The following SOHLH2 variants were observed in gnomAD, a reference collection of about 807,000 sequenced individuals.
SOHLH2 encodes spermatogenesis- and oogenesis-specific basic helix-loop-helix-containing protein 2.
SOHLH2 carries 22 observed loss-of-function variants against 50.4 expected under a neutral mutation model. The ratio of observed to expected loss-of-function variants is 0.44; its 90% confidence interval spans 0.31 to 0.62. The LOEUF (loss-of-function observed/expected upper bound fraction) is 0.62. SOHLH2 is among the 20% of genes least tolerant of loss of function. The pLI is 0.08. For synonymous variants in SOHLH2, 185 were observed against 187.3 expected (o/e 0.99, Z 0.10); for missense variants, 412 against 504.4 (o/e 0.82, Z 1.76).
intron 6 of SOHLH2, among the ~76,000 whole-genome samples, chr13:36,186,900 A>G (rs1297937379): frequency 1.3e-5 from 2 of 152,134 alleles, no homozygotes; most frequent in African/African-American, 2.4e-5. Context: ...AAAAACCCAA[A>G]ACCATATGTA....
At chr13:36,198,400 A>G (rs975466946) in intron 2 of SOHLH2, among the ~76,000 whole-genome samples, 45 of 152,212 alleles carry the variant, frequency 3.0e-4, no homozygotes, top group African/African-American at 1.0e-3. Context: ...GTGAAAACTT[A>G]TCCAAGCCAA....
chr13:36,202,160 A>AGAG, intron 1 of SOHLH2, 67 bp from the exon 2 acceptor site: 1 of 1,570,486 alleles, frequency 6.4e-7, no homozygotes, highest in Non-Finnish European at 8.7e-7. Flanking sequence ...GTCATGTATG[A>AGAG]GAGGATAAGA....
intron 1 of SOHLH2, among the ~76,000 whole-genome samples, chr13:36,206,605 C>T (rs1180194244): frequency 6.6e-6 from 1 of 151,900 alleles, no homozygotes; most frequent in Non-Finnish European, 1.5e-5. Flanking sequence ...TAGCCTAATA[C>T]ACAGTTTTTG....
Position 36,170,516 on chromosome 13 carries a change from C to A in SOHLH2, c.1257+15G>T, listed in dbSNP as rs1269365896. The A allele has an allele frequency of 9.9e-6, 16 of 1,611,022 alleles. No individual in the cohort carries two copies. The highest frequency in any genetic ancestry group is 1.1e-5 in the Non-Finnish European group (13 of 1,178,252). The stretch of plus-strand genomic sequence containing the variant: ...GAAAGGGTCCAATCTGATCCATGGA[C>A]CCCTGGAAACTTACCAGACAGTTGG... On this transcript the variant is annotated intron_variant, in intron 10 of 10. Coordinates refer to ENST00000379881, the MANE Select transcript of SOHLH2 (RefSeq NM_017826.3).
intron 9 of SOHLH2, 101 bp from the exon 10 acceptor site, chr13:36,170,888 A>G (rs1213900948): frequency 1.4e-5 from 21 of 1,514,924 alleles, no homozygotes; most frequent in Non-Finnish European, 1.9e-5. Flanking sequence ...ATTTCCTCAC[A>G]TTACAAATCT....
At chr13:36,169,140 A>C in intron 10 of SOHLH2, 86 bp from the exon 11 acceptor site, 1 of 1,474,414 alleles carries the variant, frequency 6.8e-7, no homozygotes, top group Non-Finnish European at 9.0e-7. Context: ...CTATATCCTA[A>C]AACAATCTGA....
rs145854005 is a variant in SOHLH2, at chr13:36,194,779, A to G, written c.264-912T>C. The stretch of plus-strand genomic sequence containing the variant: ...TAAAGAGAACAGTTTAAAACTACCT[A>G]AGAAAAGCAAACTATTCTCAAATAC... On this transcript the variant is annotated intron_variant, in intron 2 of 10. Coordinates refer to ENST00000379881, the MANE Select transcript of SOHLH2 (RefSeq NM_017826.3). Among the ~76,000 whole-genome samples the G allele has an allele frequency of 1.9e-3, 292 of 152,356 alleles. 1 individual carries two copies. The highest frequency in any genetic ancestry group is 6.6e-3 in the African/African-American group (274 of 41,586).
intron 1 of SOHLH2, among the ~76,000 whole-genome samples, chr13:36,210,205 T>C (rs1371818445): frequency 6.6e-6 from 1 of 152,130 alleles, no homozygotes; most frequent in Non-Finnish European, 1.5e-5. Flanking sequence ...GTCCACAGGG[T>C]AAATCCAGGG....
intron 6 of SOHLH2, chr13:36,183,106 T>C (rs890740190): frequency 1.2e-5 from 4 of 324,686 alleles, no homozygotes; most frequent in South Asian, 7.7e-5. Flanking sequence ...CCTCTTGCTA[T>C]GTGACACATT....
chr13:36,213,254 A>G (rs1209038452), intron 1 of SOHLH2, among the ~76,000 whole-genome samples: 1 of 152,218 alleles, frequency 6.6e-6, no homozygotes, highest in Non-Finnish European at 1.5e-5. Flanking sequence ...TATTTCATTC[A>G]GAATTCATTT....
At chr13:36,176,394 A>G (rs1434602971) in intron 6 of SOHLH2, among the ~76,000 whole-genome samples, 2 of 152,198 alleles carry the variant, frequency 1.3e-5, no homozygotes, top group Non-Finnish European at 2.9e-5. Flanking sequence ...AATTTGAAAG[A>G]ATTATACAGT....
At position 36,191,851 on chromosome 13, in the gene SOHLH2, G is replaced by C; in HGVS notation, c.474C>G (p.Pro158=). Residue 158 remains proline, a synonymous_variant, in exon 5 of 11, where the codon CCC becomes CCG. Transcript: ENST00000379881. Reference sequence around the variant, plus strand: ...GGTGTTCGCTGTAGGACCTCTGCAGGGGCAATCCAAGTTCTTCAGGCCCAG... The same window carrying C: ...GGTGTTCGCTGTAGGACCTCTGCAGCGGCAATCCAAGTTCTTCAGGCCCAG... ...NATGPEELGL[P]LQRSYSEHLG... 1 of 1,613,970 alleles carries C rather than the reference G, an allele frequency of 6.2e-7. No homozygotes were observed. The highest frequency in any genetic ancestry group is 8.5e-7 in the Non-Finnish European group (1 of 1,179,906).
At chr13:36,182,100 C>T in intron 6 of SOHLH2, 1 of 985,284 alleles carries the variant, frequency 1.0e-6, no homozygotes, top group Non-Finnish European at 1.2e-6. Context: ...AAGATTTCTA[C>T]TACAGAGGCA....
intron 6 of SOHLH2, among the ~76,000 whole-genome samples, chr13:36,178,748 G>A (rs1340879751): frequency 1.3e-5 from 2 of 151,004 alleles, no homozygotes; most frequent in East Asian, 3.9e-4. Context: ...CATAATTATG[G>A]TATAATTCAT....
chr13:36,178,224 A>G (rs2138274433), intron 6 of SOHLH2, among the ~76,000 whole-genome samples: 1 of 152,262 alleles, frequency 6.6e-6, no homozygotes, highest in East Asian at 1.9e-4. Flanking sequence ...TCAACTGAAT[A>G]GTGTCATCCT....
chr13:36,206,927 G>A (rs758959391), intron 1 of SOHLH2, among the ~76,000 whole-genome samples: 6 of 151,264 alleles, frequency 4.0e-5, no homozygotes, highest in African/African-American at 1.5e-4. Context: ...TGTTATTAGT[G>A]TATATATATA....
chr13:36,170,175 G>T (rs939966318), intron 10 of SOHLH2, among the ~76,000 whole-genome samples: 2 of 152,126 alleles, frequency 1.3e-5, no homozygotes, highest in Non-Finnish European at 2.9e-5. Context: ...TAGTTACGGG[G>T]CCAGTTGAGG....
chr13:36,170,437 T>A, intron 10 of SOHLH2, 94 bp downstream of exon 10: 1 of 1,484,596 alleles, frequency 6.7e-7, no homozygotes, highest in Non-Finnish European at 8.9e-7. Flanking sequence ...GTCCCAGCCT[T>A]CCAACCAGAG....
chr13:36,195,776 T>C (rs1887706001), intron 2 of SOHLH2, among the ~76,000 whole-genome samples: 1 of 152,190 alleles, frequency 6.6e-6, no homozygotes, highest in Non-Finnish European at 1.5e-5. Context: ...TAAGAAAATG[T>C]GACACCACAT....
Sources: gnomAD v4.1 joint callset for allele counts (sites outside exome capture counted in the v4.1 genomes callset) on GRCh38, gnomAD v4.1.1 for gene constraint, MANE v1.5 for transcripts, NCBI Gene and HGNC (gene_info 2026-07-23, HGNC 2026-07-21) for gene names.